PPP1R37: variants seen among roughly 807,000 people sequenced by gnomAD.
PPP1R37 encodes leucine rich repeat containing 68.
PPP1R37 carries 21 observed loss-of-function variants against 61.0 expected under a neutral mutation model. That is an observed-to-expected ratio of 0.34 (90% confidence interval 0.24 to 0.50). PPP1R37 has a LOEUF of 0.50. Ranked by LOEUF, PPP1R37 falls within the 20% of genes least tolerant of loss-of-function variation. The probability of loss-of-function intolerance (pLI) is 0.98; values close to 1 mark genes in which losing one functional copy is unlikely to be tolerated. For synonymous variants in PPP1R37, 443 were observed against 433.5 expected, an observed-to-expected ratio of 1.02 and a Z score of -0.27; for missense variants, 910 against 952.7, an observed-to-expected ratio of 0.96 and a Z score of 0.59.
At chr19:45,114,828 A>G (rs965485441) in intron 1 of PPP1R37, among the ~76,000 whole-genome samples, 1 of 149,888 alleles carries the variant, frequency 6.7e-6, no homozygotes, top group Non-Finnish European at 1.5e-5. Flanking sequence ...GTGCATTCAC[A>G]TCACAAGGCA....
intron 7 of PPP1R37, chr19:45,143,165 GACA>G (rs1568451095): frequency 9.0e-6 from 2 of 222,874 alleles, no homozygotes; most frequent in Non-Finnish European, 1.8e-5. Context: ...AGTCTAGAGA[GACA>G]ACGATAAGAT....
chr19:45,103,494 C>T (rs1229504165), intron 1 of PPP1R37, among the ~76,000 whole-genome samples: 1 of 152,242 alleles, frequency 6.6e-6, no homozygotes, highest in Non-Finnish European at 1.5e-5. Flanking sequence ...CCCTCCCTCT[C>T]TCCACGGTCT....
In PPP1R37 at chr19:45,145,594, GGGAGGAAGA is replaced by G. The variant is rs768077981; in HGVS notation, c.1551_1559del (p.Glu518_Glu520del). 195 of 1,536,130 alleles carry G rather than the reference GGGAGGAAGA, an allele frequency of 1.3e-4. No individual in the cohort carries two copies. The highest frequency in any genetic ancestry group is 5.1e-4 in the African/African-American group (37 of 73,120). The stretch of plus-strand genomic sequence containing the variant: ...TCAGACTCAGACTCGGACTCGGATG[GGGAGGAAGA>G]GGAGGAAGAGGAAGGGGAGAGGGAC... On this transcript the variant is annotated inframe_deletion, in exon 11 of 13. Coordinates refer to ENST00000221462, the MANE Select transcript of PPP1R37 (RefSeq NM_019121.2).
chr19:45,140,135 C>A, intron 2 of PPP1R37, 101 bp from the exon 3 acceptor site: 1 of 1,082,024 alleles, frequency 9.2e-7, no homozygotes, highest in Non-Finnish European at 1.4e-6. Context: ...CCAAACCCCA[C>A]CCCAGAACCC....
chr19:45,145,970 G>A lies in PPP1R37; in HGVS notation c.1914G>A (p.Lys638=), dbSNP rs1260245885. 1 of 1,534,606 alleles carries A rather than the reference G, an allele frequency of 6.5e-7. No individual in the cohort carries two copies. The highest frequency in any genetic ancestry group is 2.0e-5 in the Admixed American group (1 of 50,892). The change falls in exon 11 of 13, where the codon AAG becomes AAA. Residue 638 remains lysine, a synonymous_variant. Coordinates refer to ENST00000221462, the MANE Select transcript of PPP1R37 (RefSeq NM_019121.2). ...RSGPPLPNGL[K]PEFALALPPE... is the part of the protein sequence containing the mutation. Reference sequence around the variant, plus strand: ...GGCCACCACTGCCCAACGGCCTGAAGCCCGAGTTCGCCCTGGCACTGCCCC... The same window carrying A: ...GGCCACCACTGCCCAACGGCCTGAAACCCGAGTTCGCCCTGGCACTGCCCC...
At chr19:45,140,423 T>TGGG in intron 3 of PPP1R37, 83 bp from the exon 4 acceptor site, 1 of 330,830 alleles carries the variant, frequency 3.0e-6, no homozygotes, top group Non-Finnish European at 4.0e-6. Context: ...TGGTGGGGGG[T>TGGG]GGGAGGTTGG....
At chr19:45,128,748 A>G (rs1400786673) in intron 1 of PPP1R37, 3 of 721,582 alleles carry the variant, frequency 4.2e-6, no homozygotes, top group South Asian at 3.2e-5. Flanking sequence ...CCTGGTTGGT[A>G]TTGACATCTT....
chr19:45,129,939 C>CT (rs1243599854), intron 1 of PPP1R37, among the ~76,000 whole-genome samples: 1 of 152,204 alleles, frequency 6.6e-6, no homozygotes, highest in Non-Finnish European at 1.5e-5. Flanking sequence ...AGACCTGGGC[C>CT]TTTTAGTCTG....
At chr19:45,112,619 T>C (rs572914596) in intron 1 of PPP1R37, among the ~76,000 whole-genome samples, 1 of 152,262 alleles carries the variant, frequency 6.6e-6, no homozygotes, top group South Asian at 2.1e-4. Flanking sequence ...TGGTGTTAGA[T>C]GGTCCCTCTT....
intron 1 of PPP1R37, among the ~76,000 whole-genome samples, chr19:45,109,769 G>A (rs1177416963): frequency 6.6e-6 from 1 of 152,190 alleles, no homozygotes; most frequent in Non-Finnish European, 1.5e-5. Flanking sequence ...CTGTATGAGG[G>A]TCCTGTATGT....
At chr19:45,120,518 T>G (rs1437516479) in intron 1 of PPP1R37, among the ~76,000 whole-genome samples, 2 of 152,264 alleles carry the variant, frequency 1.3e-5, no homozygotes, top group Non-Finnish European at 2.9e-5. Context: ...GTTCCGGTTC[T>G]GCATTCACAA....
chr19:45,133,484 A>T (rs898446389), intron 1 of PPP1R37, among the ~76,000 whole-genome samples: 11 of 152,214 alleles, frequency 7.2e-5, no homozygotes, highest in Admixed American at 7.2e-4. Context: ...TGTGAGAGAG[A>T]CAGCAAAGAT....
chr19:45,100,947 G>C (rs538321938), intron 1 of PPP1R37, among the ~76,000 whole-genome samples: 3 of 152,178 alleles, frequency 2.0e-5, no homozygotes, highest in African/African-American at 7.2e-5. Context: ...TGTGATAGGC[G>C]CTCAATATAT....
intron 1 of PPP1R37, among the ~76,000 whole-genome samples, chr19:45,116,231 G>C (rs545149892): frequency 2.0e-4 from 31 of 152,236 alleles, no homozygotes; most frequent in Non-Finnish European, 2.8e-4. Context: ...AGGATCTTCA[G>C]CTGCGGCAGG....
At chr19:45,099,929 C>T (rs1968041394) in intron 1 of PPP1R37, 1 of 152,244 alleles carries the variant, frequency 6.6e-6, no homozygotes, top group African/African-American at 2.4e-5. Flanking sequence ...AAGCTGGCCC[C>T]CAGCTGGCAC....
intron 1 of PPP1R37, among the ~76,000 whole-genome samples, chr19:45,133,676 C>T (rs1158256856): frequency 2.6e-5 from 4 of 152,212 alleles, no homozygotes; most frequent in Non-Finnish European, 4.4e-5. Flanking sequence ...TCCCCTGGAT[C>T]CTGGGGACCC....
chr19:45,145,531 T>C lies in PPP1R37; in HGVS notation c.1475T>C (p.Val492Ala). The C allele has an allele frequency of 6.5e-7, 1 of 1,533,468 alleles. No individual in the cohort carries two copies. Among genetic ancestry groups the C allele is most frequent in the South Asian group, 1.2e-5 (1 of 83,916 alleles). The allele number at this position is 1,533,468 out of a possible 1,614,324, so 95.0% of individuals were successfully genotyped here. The change falls in exon 11 of 13, where the codon GTG (valine) becomes GCG (alanine). Residue 492 changes from valine (V) to alanine (A), a missense_variant. Val to Ala is a moderately conservative substitution (Grantham distance 64). This residue lies in a region of PPP1R37 where 549 missense variants were observed against 505.1 expected (regional missense o/e 1.09). Coordinates refer to ENST00000221462, the MANE Select transcript of PPP1R37 (RefSeq NM_019121.2). The part of the protein sequence containing the change: ...PQPDDEPAAG[V>A]QNGAPSPAPS... The stretch of plus-strand genomic sequence containing the variant: ...CCCGACGACGAGCCCGCCGCTGGGG[T>C]GCAGAACGGGGCCCCCAGCCCCGCA...
intron 1 of PPP1R37, among the ~76,000 whole-genome samples, chr19:45,129,535 G>A (rs565219648): frequency 2.3e-3 from 349 of 152,288 alleles, no homozygotes; most frequent in African/African-American, 8.3e-3. Context: ...CTGACCTCGT[G>A]ATCTGCCCGT....
At chr19:45,119,681 G>A (rs1283255874) in intron 1 of PPP1R37, among the ~76,000 whole-genome samples, 1 of 152,154 alleles carries the variant, frequency 6.6e-6, no homozygotes, top group African/African-American at 2.4e-5. Flanking sequence ...CCCCAAGCCG[G>A]CACCCTCTGT....
Sources: allele counts gnomAD v4.1 joint callset (sites outside exome capture counted in the v4.1 genomes callset), GRCh38; gene constraint gnomAD v4.1.1; regional missense constraint gnomAD v4.1.1; transcripts MANE v1.5; gene names NCBI Gene and HGNC (gene_info 2026-07-23, HGNC 2026-07-21).